The following ACBD6 variants were observed in gnomAD, a reference collection of about 807,000 sequenced individuals.
ACBD6 encodes the protein acyl-CoA binding domain containing 6, also known as acyl-CoA-binding domain-containing protein 6.
A neutral mutation model predicts 37.2 loss-of-function variants in ACBD6; 28 were observed. The observed-to-expected ratio is 0.75, with a 90% CI of 0.56 to 1.03. The LOEUF is 1.03. Ranked by LOEUF, ACBD6 falls within the 50% of genes least tolerant of loss-of-function variation. The probability of loss-of-function intolerance (pLI) is 0.00; values close to 1 mark genes in which losing one functional copy is unlikely to be tolerated. For synonymous variants in ACBD6, 113 were observed against 126.8 expected (o/e 0.89, Z 0.73); for missense variants, 340 against 337.4 (o/e 1.01, Z -0.06).
intron 7 of ACBD6, among the ~76,000 whole-genome samples, chr1:180,308,569 G>C (rs1650474928): frequency 6.6e-6 from 1 of 152,206 alleles, no homozygotes; most frequent in African/African-American, 2.4e-5. Context: ...AAGCAGAGAA[G>C]CTTCTTTGTC....
chr1:180,369,922 C>T lies in ACBD6; in HGVS notation c.663+27594G>A, dbSNP rs79657558. Among the ~76,000 whole-genome samples, 27 of 152,266 alleles carry T rather than the reference C, an allele frequency of 1.8e-4. No homozygotes were observed. In the East Asian group the frequency reaches 3.5e-3, roughly 20 times the overall value. ...TTGACCAGATATATCAAGAAAGTCACGAAGCATTCAAATAAACTTAAGACT... is the reference window on the plus strand; with the variant it reads ...TTGACCAGATATATCAAGAAAGTCATGAAGCATTCAAATAAACTTAAGACT... On this transcript the variant is annotated intron_variant, in intron 6 of 7. Transcript: ENST00000367595.
intron 7 of ACBD6, among the ~76,000 whole-genome samples, chr1:180,288,841 T>G (rs1301835256): frequency 6.6e-6 from 1 of 152,146 alleles, no homozygotes; most frequent in Non-Finnish European, 1.5e-5. Context: ...TAAGTATCTA[T>G]TTTACTTTGA....
intron 5 of ACBD6, among the ~76,000 whole-genome samples, chr1:180,398,463 G>T (rs549713298): frequency 6.6e-6 from 1 of 152,034 alleles, no homozygotes; most frequent in Non-Finnish European, 1.5e-5. Context: ...CCTTACTATT[G>T]CAAGTTTACA....
chr1:180,395,548 A>G (rs570624895), intron 6 of ACBD6, among the ~76,000 whole-genome samples: 3 of 152,290 alleles, frequency 2.0e-5, no homozygotes, highest in Admixed American at 2.0e-4. Flanking sequence ...CTTCTATTCA[A>G]CCTAGTACTG....
chr1:180,465,798 A>T (rs1244781758), intron 3 of ACBD6, among the ~76,000 whole-genome samples: 1 of 152,196 alleles, frequency 6.6e-6, no homozygotes, highest in African/African-American at 2.4e-5. Flanking sequence ...AAGAAAATGC[A>T]GTACACATAC....
intron 6 of ACBD6, among the ~76,000 whole-genome samples, chr1:180,367,034 A>G (rs1653078584): frequency 6.6e-6 from 1 of 152,220 alleles, no homozygotes; most frequent in Non-Finnish European, 1.5e-5. Context: ...CAACTGTAAA[A>G]TGAAGATAAT....
chr1:180,484,913 A>C (rs1651199895), intron 3 of ACBD6, among the ~76,000 whole-genome samples: 1 of 151,858 alleles, frequency 6.6e-6, no homozygotes, highest in Non-Finnish European at 1.5e-5. Context: ...AAAATACAAA[A>C]ATTAGCTGGG....
intron 6 of ACBD6, among the ~76,000 whole-genome samples, chr1:180,382,922 A>T (rs898157824): frequency 6.6e-6 from 1 of 152,248 alleles, no homozygotes; most frequent in African/African-American, 2.4e-5. Flanking sequence ...GATACATCAC[A>T]TCAATAAAAT....
chr1:180,313,195 T>C (rs1650660687), intron 7 of ACBD6, among the ~76,000 whole-genome samples: 1 of 152,202 alleles, frequency 6.6e-6, no homozygotes, highest in Non-Finnish European at 1.5e-5. Flanking sequence ...TTATTTCAGA[T>C]TTTTGCATCT....
chr1:180,444,553 G>A lies in ACBD6; in HGVS notation c.385-14291C>T, dbSNP rs990456916. On this transcript the variant is annotated intron_variant, in intron 3 of 7. Coordinates refer to ENST00000367595, the MANE Select transcript of ACBD6 (RefSeq NM_032360.4). Reference sequence around the variant, plus strand: ...TCCAGAATAAAGATGCCAAAGATGCGTTAGTTTTCCTTTCTATACACTTCA... The same window carrying A: ...TCCAGAATAAAGATGCCAAAGATGCATTAGTTTTCCTTTCTATACACTTCA... Among the ~76,000 whole-genome samples the A allele has an allele frequency of 5.9e-5, 9 of 152,152 alleles. 1 individual carries two copies. Among genetic ancestry groups the A allele is most frequent in the East Asian group, 1.9e-4 (1 of 5,202 alleles).
At chr1:180,368,933 TGAGGACTA>T (rs1200827624) in intron 6 of ACBD6, among the ~76,000 whole-genome samples, 1 of 152,094 alleles carries the variant, frequency 6.6e-6, no homozygotes, top group Non-Finnish European at 1.5e-5. Context: ...CTGCACACAG[TGAGGACTA>T]GATTTAGTAT....
intron 6 of ACBD6, among the ~76,000 whole-genome samples, chr1:180,349,939 C>A (rs886240074): frequency 4.9e-4 from 74 of 151,118 alleles, no homozygotes; most frequent in African/African-American, 1.7e-3. Context: ...TTTCCTCCTC[C>A]TAACAACTGC....
At chr1:180,358,537 C>T (rs1652718984) in intron 6 of ACBD6, among the ~76,000 whole-genome samples, 1 of 123,260 alleles carries the variant, frequency 8.1e-6, no homozygotes, top group Non-Finnish European at 1.7e-5. Flanking sequence ...GTAACATTAG[C>T]AATATCATAC....
intron 3 of ACBD6, among the ~76,000 whole-genome samples, chr1:180,475,286 T>C (rs1181471326): frequency 6.6e-6 from 1 of 152,220 alleles, no homozygotes; most frequent in Non-Finnish European, 1.5e-5. Flanking sequence ...GAAAGTTTCC[T>C]TGTGTCCCTT....
chr1:180,445,840 T>C (rs1024356236), intron 3 of ACBD6, among the ~76,000 whole-genome samples: 1 of 152,152 alleles, frequency 6.6e-6, no homozygotes, highest in Non-Finnish European at 1.5e-5. Flanking sequence ...AGGTGAAGTA[T>C]CCAATGCCAC....
chr1:180,449,686 T>G (rs2102024622), intron 3 of ACBD6, among the ~76,000 whole-genome samples: 1 of 151,946 alleles, frequency 6.6e-6, no homozygotes, highest in South Asian at 2.1e-4. Context: ...CACCGCATGT[T>G]CTCACTCATA....
exon 12 of ACBD6, chr1:180,273,357 G>A (rs1648810835): frequency 6.6e-6 from 1 of 152,404 alleles, no homozygotes; most frequent in Non-Finnish European, 1.5e-5. Flanking sequence ...TTCTTGGCAG[G>A]ATTGGGAAAG....
At position 180,498,081 on chromosome 1, in the gene ACBD6, A is replaced by T. The variant is rs561892123; in HGVS notation, c.223-2556T>A. ...CATCATTCCATGAAATATTTAGAAA[A>T]TATGGTTTACTGAGTTACACAGACT... On this transcript the variant is annotated intron_variant, in intron 1 of 7. Transcript: ENST00000367595. 2.6e-5 allele frequency among the ~76,000 whole-genome samples: 4 copies of T among 152,350 alleles called. No homozygotes were observed. In the East Asian group the frequency reaches 7.7e-4, roughly 29 times the overall value.
intron 3 of ACBD6, chr1:180,434,954 G>A (rs1648961946): frequency 1.3e-6 from 1 of 799,092 alleles, no homozygotes; most frequent in Middle Eastern, 3.3e-4. Flanking sequence ...CCAAAGTCAT[G>A]GGCAGTCTGT....
Sources: allele counts gnomAD v4.1 joint callset (sites outside exome capture counted in the v4.1 genomes callset), GRCh38; gene constraint gnomAD v4.1.1; transcripts MANE v1.5; gene names NCBI Gene and HGNC (gene_info 2026-07-23, HGNC 2026-07-21).